Variants in ANKIB1 observed in about 807,000 individuals in gnomAD.
ANKIB1 encodes ankyrin repeat and IBR domain-containing protein 1.
In ANKIB1, 43 loss-of-function variants were observed where a neutral mutation model predicts 122.1. The observed-to-expected ratio is 0.35, with a 90% confidence interval of 0.28 to 0.45. The LOEUF (loss-of-function observed/expected upper bound fraction) is 0.45. Among genes scored for constraint, ANKIB1 ranks in the 20% least tolerant of loss-of-function variants. The probability of loss-of-function intolerance (pLI) is 1.00; values close to 1 mark genes in which losing one functional copy is unlikely to be tolerated. For missense variants in ANKIB1, 992 were observed against 1,329.5 expected (o/e 0.75, Z 3.95); for synonymous variants, 390 against 442.0 (o/e 0.88, Z 1.48).
intron 7 of ANKIB1, among the ~76,000 whole-genome samples, chr7:92,347,742 A>C (rs922218874): frequency 6.6e-6 from 1 of 152,012 alleles, no homozygotes; most frequent in African/African-American, 2.4e-5. Context: ...GTGAATTCCA[A>C]CTCTGCTATT....
intron 11 of ANKIB1, among the ~76,000 whole-genome samples, chr7:92,379,284 C>T (rs561434772): frequency 3.3e-5 from 5 of 152,054 alleles, no homozygotes; most frequent in Admixed American, 2.0e-4. Flanking sequence ...CCTAGCTACT[C>T]GGGAGGCTGA....
At chr7:92,378,662 A>G (rs1804441930) in intron 11 of ANKIB1, among the ~76,000 whole-genome samples, 1 of 152,182 alleles carries the variant, frequency 6.6e-6, no homozygotes, top group African/African-American at 2.4e-5. Flanking sequence ...CATCACTAGT[A>G]TTATTAACAT....
chr7:92,360,857 A>T (rs995406212), intron 9 of ANKIB1, among the ~76,000 whole-genome samples: 1 of 152,106 alleles, frequency 6.6e-6, no homozygotes, highest in African/African-American at 2.4e-5. Context: ...CTTAACACAC[A>T]TAACTTTTTT....
At chr7:92,269,174 C>T (rs1331029378) in intron 1 of ANKIB1, among the ~76,000 whole-genome samples, 2 of 152,162 alleles carry the variant, frequency 1.3e-5, no homozygotes, top group South Asian at 2.1e-4. Flanking sequence ...TAGCATGTCT[C>T]ACCCTGTTTC....
chr7:92,292,611 T>C (rs1453805841), intron 1 of ANKIB1, among the ~76,000 whole-genome samples: 1 of 152,188 alleles, frequency 6.6e-6, no homozygotes, highest in East Asian at 1.9e-4. Context: ...TTCCCAATAG[T>C]AGCTGTAGTA....
intron 6 of ANKIB1, among the ~76,000 whole-genome samples, chr7:92,344,717 C>G (rs1356007526): frequency 1.3e-5 from 2 of 152,048 alleles, no homozygotes; most frequent in African/African-American, 4.8e-5. Context: ...CGCACAGTTG[C>G]TGATTAATAC....
intron 11 of ANKIB1, among the ~76,000 whole-genome samples, chr7:92,382,605 A>G (rs1804542961): frequency 1.3e-5 from 2 of 152,224 alleles, no homozygotes; most frequent in African/African-American, 4.8e-5. Context: ...CCGCACAACT[A>G]CATGGAAACT....
Position 92,318,120 on chromosome 7 carries a change from A to G in ANKIB1, c.487-1210A>G, listed in dbSNP as rs563720647. ...TGAGATACAATAATACCCCTGTTTTATGGGGTTGTTAATATTAAATGAGAG... is the reference window on the plus strand; with the variant it reads ...TGAGATACAATAATACCCCTGTTTTGTGGGGTTGTTAATATTAAATGAGAG... On this transcript the variant is annotated intron_variant, in intron 3 of 19. Coordinates refer to ENST00000265742, the MANE Select transcript of ANKIB1 (RefSeq NM_019004.2). Among the ~76,000 whole-genome samples the G allele has an allele frequency of 2.6e-5, 4 of 152,292 alleles. No individual in the cohort carries two copies. The South Asian group carries it at 8.3e-4, about 32-fold the overall frequency.
intron 11 of ANKIB1, among the ~76,000 whole-genome samples, chr7:92,380,236 A>G (rs76569377): frequency 0.15 from 22,630 of 152,114 alleles, 2,093 homozygotes; most frequent in East Asian, 0.38. Flanking sequence ...TGGGAAGCTC[A>G]AACTGGGTGG....
rs371640800 is a variant in ANKIB1 at position 92,278,852 on chromosome 7, G to A, written c.-90-16037G>A. On this transcript the variant is annotated intron_variant, in intron 1 of 19. Transcript: ENST00000265742. ...AACTGTCCCACTAAGATGTGTGTGC[G>A]AGGAGAAAGGTAAGGGAAGTAGACT... Among the ~76,000 whole-genome samples, 51 of 152,288 alleles carry A rather than the reference G, an allele frequency of 3.3e-4. 1 individual carries two copies. The highest frequency in any genetic ancestry group is 9.9e-4 in the African/African-American group (41 of 41,554).
At chr7:92,322,498 G>A (rs1802933187) in intron 4 of ANKIB1, among the ~76,000 whole-genome samples, 2 of 151,972 alleles carry the variant, frequency 1.3e-5, no homozygotes, top group Admixed American at 6.6e-5. Flanking sequence ...TTTATAATGA[G>A]TATTTATTGC....
intron 4 of ANKIB1, among the ~76,000 whole-genome samples, chr7:92,320,562 A>T (rs964860115): frequency 1.4e-4 from 21 of 152,180 alleles, no homozygotes; most frequent in African/African-American, 4.8e-4. Flanking sequence ...AAATGGGGGA[A>T]GCATTCTTGA....
intron 7 of ANKIB1, 75 bp from the exon 8 acceptor site, chr7:92,350,875 A>T: frequency 4.2e-6 from 6 of 1,436,504 alleles, no homozygotes; most frequent in Non-Finnish European, 5.5e-6. Context: ...AAAGGAAAGA[A>T]AAAGGAAAAT....
chr7:92,320,511 C>G (rs987357495), intron 4 of ANKIB1, among the ~76,000 whole-genome samples: 1 of 152,156 alleles, frequency 6.6e-6, no homozygotes, highest in Non-Finnish European at 1.5e-5. Flanking sequence ...TCTTCCCGGT[C>G]TCAATAAATA....
intron 8 of ANKIB1, among the ~76,000 whole-genome samples, chr7:92,351,706 T>C (rs1030823169): frequency 4.7e-5 from 7 of 148,886 alleles, no homozygotes; most frequent in Admixed American, 4.7e-4. Context: ...AGACAAGTCC[T>C]CCTTTTTTTT....
chr7:92,329,365 G>A (rs976758965), intron 5 of ANKIB1, among the ~76,000 whole-genome samples: 8 of 152,038 alleles, frequency 5.3e-5, no homozygotes, highest in African/African-American at 1.9e-4. Context: ...AGAATTGCCT[G>A]GGAAACTAAA....
At chr7:92,381,627 T>C (rs1357332750) in intron 11 of ANKIB1, among the ~76,000 whole-genome samples, 6 of 152,200 alleles carry the variant, frequency 3.9e-5, no homozygotes, top group Admixed American at 6.6e-5. Flanking sequence ...CAGAATTTCA[T>C]ATCCAGCCAA....
At chr7:92,375,448 T>C (rs183033149) in intron 11 of ANKIB1, among the ~76,000 whole-genome samples, 1 of 152,362 alleles carries the variant, frequency 6.6e-6, no homozygotes, top group African/African-American at 2.4e-5. Flanking sequence ...CAACAATGTT[T>C]ACAGAGTCTT....
intron 5 of ANKIB1, among the ~76,000 whole-genome samples, chr7:92,342,469 A>G (rs1355791948): frequency 1.3e-5 from 2 of 152,190 alleles, no homozygotes; most frequent in Non-Finnish European, 2.9e-5. Context: ...GCCAGGTTCA[A>G]GATCACTTAA....
Sources: gnomAD v4.1 joint callset for allele counts (sites outside exome capture counted in the v4.1 genomes callset) on GRCh38, gnomAD v4.1.1 for gene constraint, MANE v1.5 for transcripts, NCBI Gene and HGNC (gene_info 2026-07-23, HGNC 2026-07-21) for gene names.